Variants in PAXIP1 observed in about 807,000 individuals in gnomAD.
The protein encoded by PAXIP1 is PAX interacting protein 1.
PAXIP1 carries 19 observed loss-of-function variants against 140.6 expected under a neutral mutation model. The observed-to-expected ratio is 0.14, with a 90% confidence interval of 0.09 to 0.20. PAXIP1 has a LOEUF of 0.20. PAXIP1 is among the 10% of genes least tolerant of loss of function. PAXIP1 has a pLI of 1.00. For missense variants in PAXIP1, 920 were observed against 1,208.6 expected (o/e 0.76, Z 3.54); for synonymous variants, 442 against 444.6 (o/e 0.99, Z 0.07).
chr7:154,946,236 C>T lies in PAXIP1; in HGVS notation c.3194+129G>A. ...ATTCTGAAGAGAAAAGAATTGTTCACTGCATAAATCACAATAGCAAAGAAA... is the reference window on the plus strand; with the variant it reads ...ATTCTGAAGAGAAAAGAATTGTTCATTGCATAAATCACAATAGCAAAGAAA... On this transcript the variant is annotated intron_variant, in intron 20 of 20. Transcript: ENST00000404141. The surrounding 1 kb of genome is among the most constrained non-coding windows in gnomAD (Gnocchi z 4.9). 6.6e-7 allele frequency: 1 copy of T among 1,511,406 alleles called. No individual in the cohort carries two copies. The highest frequency in any genetic ancestry group is 1.3e-5 in the South Asian group (1 of 75,054). The allele number at this position is 1,511,406 out of a possible 1,614,324, so 93.6% of individuals were successfully genotyped here.
intron 12 of PAXIP1, among the ~76,000 whole-genome samples, 183 bp from the exon 13 acceptor site, chr7:154,960,116 T>C (rs1808694265): frequency 6.6e-6 from 1 of 152,220 alleles, no homozygotes; most frequent in South Asian, 2.1e-4. Context: ...GGTGAGGGCA[T>C]GCTGCTGCTT....
intron 20 of PAXIP1, 60 bp from the exon 21 acceptor site, chr7:154,944,224 G>A (rs1807821665): frequency 6.7e-7 from 1 of 1,488,302 alleles, no homozygotes; most frequent in Admixed American, 1.8e-5. Flanking sequence ...ATGAAACCAA[G>A]GGTTCCAACA....
At chr7:154,996,204 T>C (rs1408049422) in intron 2 of PAXIP1, among the ~76,000 whole-genome samples, 2 of 152,186 alleles carry the variant, frequency 1.3e-5, no homozygotes, top group Non-Finnish European at 2.9e-5. Context: ...TATCAGGATC[T>C]ACTTGAAATA....
In PAXIP1 at chr7:154,944,184, C is replaced by A; in HGVS notation, c.3195-20G>T. 6.3e-7 allele frequency: 1 copy of A among 1,592,448 alleles called. No individual in the cohort carries two copies. The highest frequency in any genetic ancestry group is 8.6e-7 in the Non-Finnish European group (1 of 1,166,346). On this transcript the variant is annotated intron_variant, in intron 20 of 20. Coordinates refer to ENST00000404141, the MANE Select transcript of PAXIP1 (RefSeq NM_007349.4). ...TTATATGTAGGCTTGTTGAGGAAAA[C>A]GACTTTCAAACACAAGGCAAAAGAA...
rs1170929273 is a variant in PAXIP1 at position 154,956,101 on chromosome 7, C to T, written c.2550-470G>A. Among the ~76,000 whole-genome samples, 1 of 152,220 alleles carries T rather than the reference C, an allele frequency of 6.6e-6. No individual in the cohort carries two copies. Among genetic ancestry groups the T allele is most frequent in the Non-Finnish European group, 1.5e-5 (1 of 68,042 alleles). On this transcript the variant is annotated intron_variant, in intron 14 of 20. Transcript: ENST00000404141. The surrounding 1 kb of genome is among the most constrained non-coding windows in gnomAD (Gnocchi z 4.2). ...GCCAAGACGAGTGTCGCTAGAGCTTCCAGTGTCTTTCACATTCTAGCCCTC... is the reference window on the plus strand; with the variant it reads ...GCCAAGACGAGTGTCGCTAGAGCTTTCAGTGTCTTTCACATTCTAGCCCTC...
At position 154,986,491 on chromosome 7, in the gene PAXIP1, C is replaced by T. The variant is rs1437759870; in HGVS notation, c.325-3159G>A. On this transcript the variant is annotated intron_variant, in intron 4 of 20. Coordinates refer to ENST00000404141, the MANE Select transcript of PAXIP1 (RefSeq NM_007349.4). This position sits in a 1 kb window ranked among gnomAD's most constrained non-coding sequence, Gnocchi z 4.8. Reference sequence around the variant, plus strand: ...AAATCGCATCTTAATTAATTTGTACCCCTCTGCATTGCTCCTGTCACAAAG... The same window carrying T: ...AAATCGCATCTTAATTAATTTGTACTCCTCTGCATTGCTCCTGTCACAAAG... Among the ~76,000 whole-genome samples the T allele has an allele frequency of 6.6e-6, 1 of 152,114 alleles. No homozygotes were observed. Among genetic ancestry groups the T allele is most frequent in the Non-Finnish European group, 1.5e-5 (1 of 68,010 alleles).
At position 154,981,923 on chromosome 7, in the gene PAXIP1, G is replaced by GA. The variant is rs537482176; in HGVS notation, c.438+1295dup. On this transcript the variant is annotated intron_variant, in intron 5 of 20. Coordinates refer to ENST00000404141, the MANE Select transcript of PAXIP1 (RefSeq NM_007349.4). ...TTCTCATCAAAATATTTTGGAAGGGGAAAAAACGCTAAATTAAGGCACTAG... is the reference window on the plus strand; with the variant it reads ...TTCTCATCAAAATATTTTGGAAGGGGAAAAAAACGCTAAATTAAGGCACTAG... 7.9e-4 allele frequency among the ~76,000 whole-genome samples: 120 copies of GA among 152,158 alleles called. 1 individual carries two copies. In the South Asian group the frequency reaches 0.012, roughly 15 times the overall value.
At chr7:154,980,458 A>G (rs1335174732) in intron 5 of PAXIP1, among the ~76,000 whole-genome samples, 1 of 152,242 alleles carries the variant, frequency 6.6e-6, no homozygotes, top group Non-Finnish European at 1.5e-5. Flanking sequence ...TTTGTTGCCC[A>G]GGCTGGAGTG....
chr7:154,964,730 A>C (rs767446919), intron 8 of PAXIP1: 2 of 152,154 alleles, frequency 1.3e-5, no homozygotes, highest in Non-Finnish European at 2.9e-5. Flanking sequence ...AGCCTTCCTG[A>C]TTTGGTTATA....
At chr7:154,999,797 A>G (rs903092321) in intron 1 of PAXIP1, among the ~76,000 whole-genome samples, 2 of 152,118 alleles carry the variant, frequency 1.3e-5, no homozygotes, top group Admixed American at 6.5e-5. Context: ...CCTGACAGAA[A>G]GTCATCAGCA....
At position 154,963,645 on chromosome 7, in the gene PAXIP1, G is replaced by A; in HGVS notation, c.1989+26C>T. ...TTAAAAATGCCAGACCTTGCTCCTG[G>A]TCGCAGCTAAGGCTATTTTCCTTAC... On this transcript the variant is annotated intron_variant, in intron 9 of 20. Transcript: ENST00000404141. This position sits in a 1 kb window ranked among gnomAD's most constrained non-coding sequence, Gnocchi z 4.1. 6.6e-7 allele frequency: 1 copy of A among 1,508,508 alleles called. No individual in the cohort carries two copies. The highest frequency in any genetic ancestry group is 1.4e-5 in the African/African-American group (1 of 72,964). 93.4% of individuals were successfully genotyped at this position (1,508,508 alleles called of 1,614,324 possible).
At chr7:154,964,499 CATAA>C (rs1489551245) in intron 8 of PAXIP1, 1 of 152,216 alleles carries the variant, frequency 6.6e-6, no homozygotes, top group East Asian at 1.9e-4. Context: ...TATGGCTAAG[CATAA>C]ATATAGTTTA....
chr7:154,995,027 T>C (rs939109056), intron 2 of PAXIP1, among the ~76,000 whole-genome samples: 2 of 152,222 alleles, frequency 1.3e-5, no homozygotes, highest in African/African-American at 4.8e-5. Flanking sequence ...CACCTTCATG[T>C]AGACCAAGCT....
intron 8 of PAXIP1, chr7:154,964,058 G>T (rs1808890390): frequency 5.6e-6 from 2 of 357,350 alleles, no homozygotes; most frequent in Non-Finnish European, 1.1e-5. Flanking sequence ...TCTGGACCAG[G>T]GAGTTCTGGG....
chr7:154,967,306 T>C (rs1373194544), intron 8 of PAXIP1: 1 of 152,850 alleles, frequency 6.5e-6, no homozygotes. Flanking sequence ...AAAAAAATTT[T>C]TTGACTCAGT....
Position 154,968,680 on chromosome 7 carries a change from GTGCTGCTGCAGCTGATGGAACTGC to G in PAXIP1, c.1497_1520del (p.Gln499_Gln506del). On this transcript the variant is annotated inframe_deletion, in exon 7 of 21. Coordinates refer to ENST00000404141, the MANE Select transcript of PAXIP1 (RefSeq NM_007349.4). ...GGGCAAGCTGCTGCTGCTGGAGCTG[GTGCTGCTGCAGCTGATGGAACTGC>G]TGCTGCAGGGCATGCTGCTGCTGAA... 2.8e-6 allele frequency: 2 copies of G among 715,476 alleles called. No individual in the cohort carries two copies. The highest frequency in any genetic ancestry group is 5.2e-6 in the Non-Finnish European group (2 of 384,252). 44.3% of individuals were successfully genotyped at this position (715,476 alleles called of 1,614,324 possible). A position where few individuals can be genotyped will look rare whatever the true frequency, so the allele number is the denominator to read the frequency against.
intron 2 of PAXIP1, 24 bp from the exon 3 acceptor site, chr7:154,993,793 A>G (rs1386259849): frequency 6.5e-7 from 1 of 1,546,204 alleles, no homozygotes; most frequent in East Asian, 2.4e-5. Context: ...GATTAAATCA[A>G]AAAGTATTCT....
intron 4 of PAXIP1, among the ~76,000 whole-genome samples, chr7:154,987,480 C>A (rs1810128246): frequency 6.6e-6 from 1 of 152,172 alleles, no homozygotes; most frequent in African/African-American, 2.4e-5. Flanking sequence ...AATCTCTCTA[C>A]CAATGCGTGC....
Position 154,954,391 on chromosome 7 carries a change from C to T in PAXIP1, c.2685G>A (p.Glu895=), listed in dbSNP as rs537175102. ...TGAGGTGTGTGCACTTCTGTGCAGACTCCGCAACCTCTCCACCAAGAATGT... is the reference window on the plus strand; with the variant it reads ...TGAGGTGTGTGCACTTCTGTGCAGATTCCGCAACCTCTCCACCAAGAATGT... ...KLYILGGEVA[E]SAQKCTHLIA... Residue 895 remains glutamate (E), a synonymous_variant, in exon 16 of 21, where the codon GAG becomes GAA. Coordinates refer to ENST00000404141, the MANE Select transcript of PAXIP1 (RefSeq NM_007349.4). This position sits in a 1 kb window ranked among gnomAD's most constrained non-coding sequence, Gnocchi z 5.1. 46 of 1,573,966 alleles carry T rather than the reference C, an allele frequency of 2.9e-5. 2 individuals carry two copies. In the South Asian group the frequency reaches 5.2e-4, roughly 18 times the overall value.
Sources: gnomAD v4.1 joint callset for allele counts (sites outside exome capture counted in the v4.1 genomes callset) on GRCh38, gnomAD v4.1.1 for gene constraint, Gnocchi (gnomAD v3.1) non-coding constraint, MANE v1.5 for transcripts, NCBI Gene and HGNC (gene_info 2026-07-23, HGNC 2026-07-21) for gene names.